The following UMOD variants were observed in gnomAD, a reference collection of about 807,000 sequenced individuals.
UMOD encodes the protein uromodulin.
Under a neutral mutation model 66.0 loss-of-function variants are expected in UMOD, and 64 were observed. The ratio of observed to expected loss-of-function variants is 0.97; its 90% confidence interval spans 0.79 to 1.19. The LOEUF is 1.19. Among genes scored for constraint, UMOD ranks in the 50% most tolerant of loss-of-function variants. The pLI is 0.00. For missense variants in UMOD, 764 were observed against 850.9 expected (o/e 0.90, Z 1.27); for synonymous variants, 398 against 352.7 (o/e 1.13, Z -1.44).
chr16:20,344,280 G>C (rs1305872140), intron 5 of UMOD, 108 bp from the exon 6 acceptor site: 2 of 1,126,038 alleles, frequency 1.8e-6, no homozygotes, highest in African/African-American at 1.5e-5. Context: ...CTGGCTACTT[G>C]TGAGCCGCTC....
rs778087754 is a variant in UMOD, at chr16:20,348,617, G to C, written c.684C>G (p.Pro228=). ...ACGGATGCGTGCCATTGAGCCACAT[G>C]GGGGCGGCCGTGTTGCAGCGCAGGA... is the stretch of plus-strand genomic sequence containing the variant. ...VPVLRCNTAA[P]MWLNGTHPSS... The change falls in exon 3 of 11, where the codon CCC becomes CCG. Residue 228 remains proline (P), a synonymous_variant. Transcript: ENST00000396138. 2 of 1,584,396 alleles carry C rather than the reference G, an allele frequency of 1.3e-6. No homozygotes were observed. The highest frequency in any genetic ancestry group is 1.7e-6 in the Non-Finnish European group (2 of 1,170,362).
intron 6 of UMOD, 115 bp downstream of exon 6, chr16:20,343,909 G>A: frequency 7.6e-7 from 1 of 1,321,110 alleles, no homozygotes; most frequent in East Asian, 2.4e-5. Flanking sequence ...GGGCAACCCT[G>A]ATTCCCAGCC....
intron 10 of UMOD, among the ~76,000 whole-genome samples, chr16:20,334,573 G>A (rs1330122576): frequency 2.0e-5 from 3 of 152,136 alleles, no homozygotes. Flanking sequence ...GGGCATGCCT[G>A]TGTCTGTGTG....
chr16:20,343,930 G>T, intron 6 of UMOD, 94 bp downstream of exon 6: 1 of 1,490,110 alleles, frequency 6.7e-7, no homozygotes, highest in Non-Finnish European at 9.3e-7. Context: ...CTCACTCCCA[G>T]CTCCCTGTGG....
chr16:20,339,504 C>T lies in UMOD; in HGVS notation c.1577+1587G>A, dbSNP rs1404525939. 5.3e-5 allele frequency among the ~76,000 whole-genome samples: 8 copies of T among 152,312 alleles called. No individual in the cohort carries two copies. In the East Asian group the frequency reaches 5.8e-4, roughly 11 times the overall value. ...TGTATTAAGTTTGAGTTAGACTCTG[C>T]TAATTGCAAAATGCTCTGAAACAGA... On this transcript the variant is annotated intron_variant, in intron 7 of 10. Transcript: ENST00000396138.
rs561880044 is a variant in UMOD, at chr16:20,343,227, G to T, written c.1331+797C>A. Among the ~76,000 whole-genome samples, 24 of 151,978 alleles carry T rather than the reference G, an allele frequency of 1.6e-4. 1 individual carries two copies. The highest frequency in any genetic ancestry group is 5.5e-4 in the African/African-American group (23 of 41,478). ...TGGCCTGTGATTCATCCTATTTGAA[G>T]ATTTTCAATTTTATTTAGCAACAGA... On this transcript the variant is annotated intron_variant, in intron 6 of 10. Transcript: ENST00000396138.
Position 20,349,178 on chromosome 16 carries a change from G to T in UMOD, c.123C>A (p.Cys41Ter). The change falls in exon 3 of 11, where the codon TGC becomes TGA. Residue 41 changes from cysteine to a stop codon, truncating the protein, a stop_gained. Coordinates refer to ENST00000396138, the MANE Select transcript of UMOD (RefSeq NM_003361.4). LOFTEE classifies it high-confidence loss of function. Reference protein sequence around the residue: ...WCSECHSNATCTEDEAVTTCT... With the variant: ...WCSECHSNAT The stretch of plus-strand genomic sequence containing the variant: ...ACGTCGTAACGGCCTCATCCTCCGT[G>T]CAGGTGGCATTGCTGTGACATTCAG... The T allele has an allele frequency of 6.2e-7, 1 of 1,613,942 alleles. No individual in the cohort carries two copies. Among genetic ancestry groups the T allele is most frequent in the Non-Finnish European group, 8.5e-7 (1 of 1,180,018 alleles).
At chr16:20,352,804 A>T (rs116101921), upstream of UMOD, 2,374 of 1,141,578 alleles carry the variant, frequency 2.1e-3, 42 homozygotes, top group African/African-American at 0.034. Context: ...GTTTTTTGAT[A>T]TTGTTTTCTT....
Position 20,333,113 on chromosome 16 carries a change from T to C in UMOD, c.*201A>G. The C allele has an allele frequency of 1.6e-6, 1 of 622,208 alleles. No homozygotes were observed. The allele number at this position is 622,208 out of a possible 1,614,324, so 38.5% of individuals were successfully genotyped here. On this transcript the variant is annotated 3_prime_UTR_variant, in exon 11 of 11. Transcript: ENST00000396138. The stretch of plus-strand genomic sequence containing the variant: ...GGAGATGGGGGCCTCAGGTACACCG[T>C]CACAAGTCCCATTTTGAGAAAAAGC...
At chr16:20,337,158 G>A (rs1211566109) in intron 8 of UMOD, 133 bp downstream of exon 8, 7 of 1,252,586 alleles carry the variant, frequency 5.6e-6, no homozygotes, top group Admixed American at 2.0e-5. Flanking sequence ...GCCTAGCCAC[G>A]CCCACCTCAT....
At chr16:20,340,614 C>T (rs576901583) in intron 7 of UMOD, among the ~76,000 whole-genome samples, 13 of 152,076 alleles carry the variant, frequency 8.5e-5, no homozygotes, top group African/African-American at 1.9e-4. Flanking sequence ...TGGCTTCACA[C>T]GACCTGCTAA....
Position 20,337,280 on chromosome 16 carries a change from A to C in UMOD, c.1740+11T>G. 1.9e-6 allele frequency: 3 copies of C among 1,614,076 alleles called. No individual in the cohort carries two copies. The highest frequency in any genetic ancestry group is 2.5e-6 in the Non-Finnish European group (3 of 1,180,002). On this transcript the variant is annotated intron_variant, in intron 8 of 10. Transcript: ENST00000396138. ...TACAAGAGATGGGCTGGGGGAGGGG[A>C]GTCAACTCACAGGCTTGCACTTTTC...
In UMOD at chr16:20,336,706, G is replaced by T. The variant is rs754879409; in HGVS notation, c.1762C>A (p.Arg588=). Residue 588 remains arginine (R), a synonymous_variant, in exon 9 of 11, where the codon CGA becomes AGA. Transcript: ENST00000396138. Reference sequence around the variant, plus strand: ...GATTGATCTATGACACTCCCACTTCGGAATCTGGTCCCAGAGCAGGTCTAC... The same window carrying T: ...GATTGATCTATGACACTCCCACTTCTGAATCTGGTCCCAGAGCAGGTCTAC... ...CKPTCSGTRF[R]SGSVIDQSRV... 1 of 1,614,062 alleles carries T rather than the reference G, an allele frequency of 6.2e-7. No homozygotes were observed. Among genetic ancestry groups the T allele is most frequent in the East Asian group, 2.2e-5 (1 of 44,870 alleles).
rs1317073777 is a variant in UMOD, at chr16:20,346,296, T to C, written c.1012A>G (p.Asn338Asp). Residue 338 changes from asparagine (N) to aspartate (D), a missense_variant, in exon 5 of 11, where the codon AAT (asparagine) becomes GAT (aspartate). Physicochemically the swap from Asn to Asp is conservative, Grantham distance 23. Transcript: ENST00000396138. ...LLEHRLECGA[N>D]DMKVSLGKCQ... Reference sequence around the variant, plus strand: ...TTGCCCAGCGACACCTTCATGTCATTGGCCCCACATTCCAGCCTGTGCTCC... The same window carrying C: ...TTGCCCAGCGACACCTTCATGTCATCGGCCCCACATTCCAGCCTGTGCTCC... 1 of 1,614,246 alleles carries C rather than the reference T, an allele frequency of 6.2e-7. No individual in the cohort carries two copies. Among genetic ancestry groups the C allele is most frequent in the South Asian group, 1.1e-5 (1 of 91,084 alleles).
intron 7 of UMOD, among the ~76,000 whole-genome samples, chr16:20,338,657 C>A (rs896348215): frequency 2.6e-5 from 4 of 151,868 alleles, no homozygotes; most frequent in African/African-American, 9.7e-5. Flanking sequence ...TCATGCCTGG[C>A]TAATTCTTGT....
At chr16:20,355,594 T>A (rs1484660611), upstream of UMOD, among the ~76,000 whole-genome samples, 1 of 151,888 alleles carries the variant, frequency 6.6e-6, no homozygotes, top group African/African-American at 2.4e-5. Context: ...TGTGTTTTTT[T>A]TGTACACATT....
At chr16:20,350,473 TAA>T (rs879367476) in intron 2 of UMOD, among the ~76,000 whole-genome samples, 175 bp downstream of exon 2, 2 of 152,226 alleles carry the variant, frequency 1.3e-5, no homozygotes, top group Non-Finnish European at 2.9e-5. Flanking sequence ...GCAAAATTTC[TAA>T]GTCAGTCCTG....
intron 6 of UMOD, among the ~76,000 whole-genome samples, chr16:20,343,409 C>T (rs760250132): frequency 3.3e-5 from 5 of 152,194 alleles, no homozygotes; most frequent in Non-Finnish European, 7.3e-5. Context: ...TCCTTTCATT[C>T]ACAGAGAAGG....
At chr16:20,333,520 T>C in intron 10 of UMOD, 145 bp from the exon 11 acceptor site, 1 of 772,162 alleles carries the variant, frequency 1.3e-6, no homozygotes, top group Admixed American at 2.1e-5. Flanking sequence ...TTCCTCCTTA[T>C]CTGCCCTGAA....
Sources: gnomAD v4.1 joint callset for allele counts (sites outside exome capture counted in the v4.1 genomes callset) on GRCh38, gnomAD v4.1.1 for gene constraint, MANE v1.5 for transcripts, NCBI Gene and HGNC (gene_info 2026-07-23, HGNC 2026-07-21) for gene names.